The following TANGO6 variants were observed in gnomAD, a reference collection of about 807,000 sequenced individuals.
TANGO6 encodes the protein transport and Golgi organization protein 6 homolog.
Under a neutral mutation model 114.2 loss-of-function variants are expected in TANGO6, and 90 were observed. The ratio of observed to expected loss-of-function variants is 0.79; its 90% CI spans 0.66 to 0.94. The LOEUF is 0.94. Among genes scored for constraint, TANGO6 ranks in the 40% least tolerant of loss-of-function variants. TANGO6 has a pLI of 0.00. For synonymous variants in TANGO6, 477 were observed against 509.8 expected, an observed-to-expected ratio of 0.94 and a Z score of 0.87; for missense variants, 1,274 against 1,315.3, an observed-to-expected ratio of 0.97 and a Z score of 0.49.
chr16:69,021,480 CT>C (rs890434955), intron 15 of TANGO6, among the ~76,000 whole-genome samples: 1 of 151,990 alleles, frequency 6.6e-6, no homozygotes, highest in African/African-American at 2.4e-5. Flanking sequence ...TTTTTTGCCC[CT>C]ATAGTATGTA....
intron 17 of TANGO6, among the ~76,000 whole-genome samples, chr16:69,081,635 C>T (rs1226298027): frequency 5.9e-5 from 9 of 152,074 alleles, no homozygotes; most frequent in Non-Finnish European, 1.0e-4. Context: ...CCACCACACC[C>T]GGCCTCAGTT....
intron 15 of TANGO6, among the ~76,000 whole-genome samples, chr16:68,996,362 C>T (rs907856658): frequency 4.1e-4 from 63 of 152,130 alleles, no homozygotes; most frequent in African/African-American, 1.4e-3. Flanking sequence ...ACTGTGTCGA[C>T]TCTGGCTCAC....
chr16:69,061,022 G>A (rs149880635), intron 17 of TANGO6, among the ~76,000 whole-genome samples: 1 of 151,758 alleles, frequency 6.6e-6, no homozygotes, highest in East Asian at 1.9e-4. Flanking sequence ...AAAAATAAAA[G>A]ACTGGGAATT....
chr16:69,038,504 C>T (rs1261836857), intron 16 of TANGO6, among the ~76,000 whole-genome samples: 3 of 151,716 alleles, frequency 2.0e-5, no homozygotes, highest in Non-Finnish European at 4.4e-5. Context: ...CCATTGGTCA[C>T]ACTTTCAAAA....
intron 14 of TANGO6, among the ~76,000 whole-genome samples, chr16:68,954,666 A>G (rs1963508141): frequency 6.6e-6 from 1 of 152,222 alleles, no homozygotes; most frequent in Non-Finnish European, 1.5e-5. Context: ...GCCTACTTTC[A>G]TAAAATGCAA....
intron 15 of TANGO6, among the ~76,000 whole-genome samples, chr16:69,014,831 T>C (rs112295482): frequency 2.6e-5 from 4 of 151,804 alleles, no homozygotes; most frequent in African/African-American, 9.7e-5. Flanking sequence ...AGGAGTTTGA[T>C]TCTGCAGTGA....
intron 7 of TANGO6, chr16:68,885,595 G>A (rs1567532037): frequency 6.6e-6 from 1 of 152,282 alleles, no homozygotes; most frequent in Non-Finnish European, 1.5e-5. Context: ...GTCAAGTGAA[G>A]CAGTCGGAGC....
Position 69,036,371 on chromosome 16 carries a change from G to A in TANGO6, c.2995-3937G>A, listed in dbSNP as rs569397124. 9.2e-5 allele frequency among the ~76,000 whole-genome samples: 14 copies of A among 152,248 alleles called. No individual in the cohort carries two copies. The East Asian group carries it at 1.7e-3, about 19-fold the overall frequency. On this transcript the variant is annotated intron_variant, in intron 16 of 17. Transcript: ENST00000261778. ...CTGTTCTTATATTTAGATGATATCCGTAAGACCATATTAAAATTCCGATGC... is the reference window on the plus strand; with the variant it reads ...CTGTTCTTATATTTAGATGATATCCATAAGACCATATTAAAATTCCGATGC...
chr16:68,961,152 A>G (rs1269705186), intron 14 of TANGO6, among the ~76,000 whole-genome samples: 1 of 152,294 alleles, frequency 6.6e-6, no homozygotes, highest in African/African-American at 2.4e-5. Flanking sequence ...TCCTCTCCTT[A>G]TGCTGACCTT....
chr16:69,017,425 A>G (rs1328193383), intron 15 of TANGO6, among the ~76,000 whole-genome samples: 20 of 152,156 alleles, frequency 1.3e-4, no homozygotes, highest in Non-Finnish European at 2.9e-5. Context: ...AGTAAACATT[A>G]AAATGTTTCT....
In TANGO6 at chr16:68,878,297, G is replaced by A; in HGVS notation, c.1294+17G>A. ...ATACAGCAGGTAAAGGAGGAAGTGT[G>A]GTGGCTGTGTGTGCCTCTAAAGGAC... On this transcript the variant is annotated intron_variant, in intron 6 of 17. Coordinates refer to ENST00000261778, the MANE Select transcript of TANGO6 (RefSeq NM_024562.2). 1 of 1,578,254 alleles carries A rather than the reference G, an allele frequency of 6.3e-7. No individual in the cohort carries two copies. Among genetic ancestry groups the A allele is most frequent in the Non-Finnish European group, 8.6e-7 (1 of 1,163,188 alleles).
chr16:69,079,357 T>C (rs1322550686), intron 17 of TANGO6, among the ~76,000 whole-genome samples: 3 of 151,286 alleles, frequency 2.0e-5, no homozygotes, highest in Admixed American at 1.3e-4. Context: ...AATAAATAAA[T>C]ATAAAAGAAA....
intron 15 of TANGO6, among the ~76,000 whole-genome samples, chr16:68,985,468 G>A (rs907094413): frequency 2.0e-5 from 3 of 152,046 alleles, no homozygotes; most frequent in Non-Finnish European, 2.9e-5. Flanking sequence ...CTAGCACTTC[G>A]AGAGGCTGAG....
intron 15 of TANGO6, among the ~76,000 whole-genome samples, chr16:69,019,686 T>C (rs557598524): frequency 6.6e-6 from 1 of 151,022 alleles, no homozygotes; most frequent in Middle Eastern, 3.2e-3. Context: ...TTGGGCATCT[T>C]CTTTTCTCCT....
chr16:68,843,783 G>A, intron 1 of TANGO6, 72 bp downstream of exon 1: 2 of 1,488,224 alleles, frequency 1.3e-6, no homozygotes, highest in East Asian at 4.5e-5. Flanking sequence ...GGGCTGCCCT[G>A]CCTTCCGCAG....
rs530929878 is a variant in TANGO6 at position 69,039,142 on chromosome 16, G to A, written c.2995-1166G>A. 1.6e-3 allele frequency among the ~76,000 whole-genome samples: 250 copies of A among 151,864 alleles called. 2 individuals carry two copies. Among genetic ancestry groups the A allele is most frequent in the Non-Finnish European group, 2.8e-3 (190 of 67,948 alleles). The stretch of plus-strand genomic sequence containing the variant: ...GGAGCTTGCTGTGAGCCAAGATCGC[G>A]CCACTGCACTCCAGCCTGGGCGACA... On this transcript the variant is annotated intron_variant, in intron 16 of 17. Transcript: ENST00000261778.
chr16:68,862,981 G>A lies in TANGO6; in HGVS notation c.772G>A (p.Ala258Thr), dbSNP rs373008337. The change falls in exon 3 of 18, where the codon GCC (alanine) becomes ACC (threonine). Residue 258 changes from alanine (A) to threonine (T), a missense_variant. Transcript: ENST00000261778. ...AGAGGAGAGAACCCTATCCAGGGGGGCCTTGAGAGACATGCTGGATCAAGT... is the reference window on the plus strand; with the variant it reads ...AGAGGAGAGAACCCTATCCAGGGGGACCTTGAGAGACATGCTGGATCAAGT... Reference protein sequence around the residue: ...TEEERTLSRGALRDMLDQVYQ... With the variant: ...TEEERTLSRGTLRDMLDQVYQ... 5.6e-6 allele frequency: 9 copies of A among 1,599,756 alleles called. No individual in the cohort carries two copies. Among genetic ancestry groups the A allele is most frequent in the South Asian group, 3.4e-5 (3 of 87,942 alleles).
At chr16:69,012,841 C>T (rs780114510) in intron 15 of TANGO6, among the ~76,000 whole-genome samples, 2 of 152,132 alleles carry the variant, frequency 1.3e-5, no homozygotes, top group African/African-American at 2.4e-5. Context: ...ATTAGGATCT[C>T]GGAGCCTTAC....
chr16:68,946,910 T>C (rs1390744429), intron 14 of TANGO6, among the ~76,000 whole-genome samples: 1 of 152,194 alleles, frequency 6.6e-6, no homozygotes. Context: ...GTTGTACAGA[T>C]TTCACTCTTA....
Sources: gnomAD v4.1 joint callset for allele counts (sites outside exome capture counted in the v4.1 genomes callset) on GRCh38, gnomAD v4.1.1 for gene constraint, MANE v1.5 for transcripts, NCBI Gene and HGNC (gene_info 2026-07-23, HGNC 2026-07-21) for gene names.